The following CPAMD8 variants were observed in gnomAD, a reference collection of about 807,000 sequenced individuals.
CPAMD8 encodes C3 and PZP like alpha-2-macroglobulin domain containing 8, also known as C3 and PZP-like alpha-2-macroglobulin domain-containing protein 8.
Under a neutral mutation model 224.7 loss-of-function variants are expected in CPAMD8, and 146 were observed. That is an observed-to-expected ratio of 0.65 (90% CI 0.57 to 0.75). The LOEUF (loss-of-function observed/expected upper bound fraction) is 0.75, where lower values mean the gene tolerates loss of function less well. Ranked by LOEUF, CPAMD8 falls within the 30% of genes least tolerant of loss-of-function variation. The pLI, the probability that CPAMD8 is intolerant of heterozygous loss-of-function variation, is 0.00. For synonymous variants in CPAMD8, 966 were observed against 1,044.6 expected (o/e 0.92, Z 1.45); for missense variants, 2,301 against 2,537.5 (o/e 0.91, Z 2.00).
At chr19:17,016,448 T>C (rs1041013709) in intron 3 of CPAMD8, among the ~76,000 whole-genome samples, 1 of 152,130 alleles carries the variant, frequency 6.6e-6, no homozygotes, top group African/African-American at 2.4e-5. Context: ...TCCAGGGAAA[T>C]GGCTTCCTGA....
chr19:16,915,688 A>C (rs2052924707), intron 27 of CPAMD8, among the ~76,000 whole-genome samples: 1 of 152,186 alleles, frequency 6.6e-6, no homozygotes, highest in Non-Finnish European at 1.5e-5. Flanking sequence ...ATGAGGGATG[A>C]AAACCAAAAT....
At chr19:16,906,289 C>G (rs115794280) in intron 30 of CPAMD8, among the ~76,000 whole-genome samples, 1,966 of 148,386 alleles carry the variant, frequency 0.013, 54 homozygotes, top group African/African-American at 0.047. Flanking sequence ...CTTCCTCTCC[C>G]TCCCTCCCTC....
chr19:16,911,647 G>A (rs962736415), intron 29 of CPAMD8, among the ~76,000 whole-genome samples: 2 of 152,124 alleles, frequency 1.3e-5, no homozygotes, highest in Admixed American at 1.3e-4. Flanking sequence ...CCAGGTTCAC[G>A]CCATTCTCCT....
intron 39 of CPAMD8, chr19:16,896,929 G>A (rs2227369): frequency 0.011 from 3,693 of 345,888 alleles, 149 homozygotes; most frequent in African/African-American, 0.073. Flanking sequence ...TGTCTGGGCC[G>A]CCCTGCAACA....
chr19:16,908,942 C>T (rs753708029), intron 29 of CPAMD8, among the ~76,000 whole-genome samples: 20 of 152,136 alleles, frequency 1.3e-4, no homozygotes, highest in African/African-American at 3.1e-4. Context: ...GTCTCAAGGA[C>T]GCTGCGGAGA....
At chr19:17,015,587 C>T (rs757688858) in intron 3 of CPAMD8, among the ~76,000 whole-genome samples, 7 of 152,194 alleles carry the variant, frequency 4.6e-5, no homozygotes, top group Non-Finnish European at 7.3e-5. Context: ...CCTTCTGGAC[C>T]TGTGAGGTCT....
At chr19:16,922,875 C>T (rs1234531605) in intron 26 of CPAMD8, among the ~76,000 whole-genome samples, 1 of 152,224 alleles carries the variant, frequency 6.6e-6, no homozygotes, top group Non-Finnish European at 1.5e-5. Flanking sequence ...CTGCCCCACA[C>T]TACATCTAGG....
rs1466291980 is a variant in CPAMD8, at chr19:16,899,061, C to T, written c.4848+414G>A. 6.6e-6 allele frequency among the ~76,000 whole-genome samples: 1 copy of T among 152,138 alleles called. No homozygotes were observed. The stretch of plus-strand genomic sequence containing the variant: ...TCAGCCTCCCAAATAGCTGGGATTA[C>T]AGTAGCGTGCCATCACACCTGGCTA... On this transcript the variant is annotated intron_variant, in intron 37 of 41. Transcript: ENST00000443236. The surrounding 1 kb of genome is among the most constrained non-coding windows in gnomAD (Gnocchi z 5.4).
chr19:17,013,774 T>C (rs910120924), intron 3 of CPAMD8, among the ~76,000 whole-genome samples: 2 of 151,992 alleles, frequency 1.3e-5, no homozygotes, highest in Non-Finnish European at 2.9e-5. Flanking sequence ...GAATTATATG[T>C]TTTAGAATGG....
At chr19:16,959,765 T>C (rs544007423) in intron 18 of CPAMD8, among the ~76,000 whole-genome samples, 1 of 151,754 alleles carries the variant, frequency 6.6e-6, no homozygotes, top group Non-Finnish European at 1.5e-5. Context: ...GGTCTCGAAC[T>C]CCTGACCTTG....
chr19:16,975,330 T>G, intron 16 of CPAMD8, 72 bp from the exon 17 acceptor site: 1 of 1,259,230 alleles, frequency 7.9e-7, no homozygotes, highest in Non-Finnish European at 1.1e-6. Flanking sequence ...CCCGTGGGTG[T>G]GGCATGCTCC....
At chr19:16,976,575 T>G (rs1251990928) in intron 15 of CPAMD8, among the ~76,000 whole-genome samples, 1 of 151,568 alleles carries the variant, frequency 6.6e-6, no homozygotes, top group South Asian at 2.1e-4. Context: ...CCAAGGAGAG[T>G]GGGTCTTTGC....
intron 19 of CPAMD8, among the ~76,000 whole-genome samples, chr19:16,954,136 C>T (rs1023093425): frequency 1.3e-5 from 2 of 151,962 alleles, no homozygotes; most frequent in Admixed American, 6.6e-5. Flanking sequence ...TTTGGGTATA[C>T]ACCCAGAAGT....
At chr19:16,919,453 G>A (rs1032969503) in intron 27 of CPAMD8, among the ~76,000 whole-genome samples, 3 of 152,208 alleles carry the variant, frequency 2.0e-5, no homozygotes, top group African/African-American at 7.2e-5. Flanking sequence ...AAATCTTCCA[G>A]CCCCAGTAGA....
At chr19:17,000,392 A>G (rs747347486) in intron 10 of CPAMD8, 22 bp downstream of exon 10, 3 of 941,694 alleles carry the variant, frequency 3.2e-6, no homozygotes, top group East Asian at 2.4e-5. Context: ...GTCAGGGGGT[A>G]GAAGGGGTCC....
rs191072058 is a variant in CPAMD8 at position 16,925,015 on chromosome 19, A to C, written c.3547+181T>G. 5.2e-3 allele frequency among the ~76,000 whole-genome samples: 798 copies of C among 152,324 alleles called. 9 individuals carry two copies. Among genetic ancestry groups the C allele is most frequent in the African/African-American group, 0.018 (754 of 41,574 alleles). On this transcript the variant is annotated intron_variant, in intron 26 of 41. Coordinates refer to ENST00000443236, the MANE Select transcript of CPAMD8 (RefSeq NM_015692.5). Reference sequence around the variant, plus strand: ...ACAGCACCATCTCATCCTAACAGCCACAGACATCAGGCTCCTGCTGACAGT... The same window carrying C: ...ACAGCACCATCTCATCCTAACAGCCCCAGACATCAGGCTCCTGCTGACAGT...
chr19:16,933,915 C>A (rs1248465732), intron 23 of CPAMD8, among the ~76,000 whole-genome samples: 1 of 152,110 alleles, frequency 6.6e-6, no homozygotes, highest in Non-Finnish European at 1.5e-5. Flanking sequence ...GAGATACTCC[C>A]AAACTGGAAA....
At chr19:16,992,826 G>A (rs779521195) in intron 12 of CPAMD8, among the ~76,000 whole-genome samples, 3 of 151,970 alleles carry the variant, frequency 2.0e-5, no homozygotes, top group South Asian at 2.1e-4. Flanking sequence ...AGGTACTTGG[G>A]AGGCTGACTC....
At chr19:16,993,674 TC>T in intron 11 of CPAMD8, 88 bp from the exon 12 acceptor site, 1 of 1,230,702 alleles carries the variant, frequency 8.1e-7, no homozygotes, top group Non-Finnish European at 1.1e-6. Flanking sequence ...CCCACTGGAA[TC>T]CCAGCAGGCT....
Sources: allele counts gnomAD v4.1 joint callset (sites outside exome capture counted in the v4.1 genomes callset), GRCh38; gene constraint gnomAD v4.1.1; non-coding constraint Gnocchi (gnomAD v3.1); transcripts MANE v1.5; gene names NCBI Gene and HGNC (gene_info 2026-07-23, HGNC 2026-07-21).